PCSK2: variants seen among roughly 807,000 people sequenced by gnomAD.
PCSK2 encodes the protein neuroendocrine convertase 2.
In PCSK2, 14 loss-of-function variants were observed where a neutral mutation model predicts 69.7. The observed-to-expected ratio is 0.20, with a 90% confidence interval of 0.13 to 0.31. The LOEUF (loss-of-function observed/expected upper bound fraction) is 0.31. PCSK2 is among the 10% of genes least tolerant of loss of function. The pLI, the probability that PCSK2 is intolerant of heterozygous loss-of-function variation, is 1.00. For synonymous variants in PCSK2, 307 were observed against 320.7 expected, an observed-to-expected ratio of 0.96 and a Z score of 0.46; for missense variants, 544 against 842.5, an observed-to-expected ratio of 0.65 and a Z score of 4.39.
intron 2 of PCSK2, chr20:17,263,084 C>T (rs975440754): frequency 2.1e-6 from 2 of 959,940 alleles, no homozygotes; most frequent in Non-Finnish European, 2.5e-6. Context: ...ACTGAGGTAG[C>T]TTTTTGACCA....
intron 9 of PCSK2, among the ~76,000 whole-genome samples, chr20:17,454,886 G>A (rs963076659): frequency 5.9e-5 from 9 of 152,158 alleles, no homozygotes; most frequent in East Asian, 1.9e-4. Flanking sequence ...ATGCCCCTGC[G>A]TGAGCGAGGA....
chr20:17,414,037 G>T (rs189296059), intron 6 of PCSK2, among the ~76,000 whole-genome samples: 296 of 152,118 alleles, frequency 1.9e-3, no homozygotes, highest in African/African-American at 6.8e-3. Context: ...AAAGCAATGT[G>T]TAGAGGGAAA....
rs76471667 is a variant in PCSK2, at chr20:17,334,866, G to A, written c.283-23461G>A. ...CTGTCAGTCATGTTGGGTTTCCCCT[G>A]CAATTAACTGGCTCTTTACAAACGC... is the stretch of plus-strand genomic sequence containing the variant. On this transcript the variant is annotated intron_variant, in intron 2 of 11. Coordinates refer to ENST00000262545, the MANE Select transcript of PCSK2 (RefSeq NM_002594.5). 2.1e-3 allele frequency among the ~76,000 whole-genome samples: 318 copies of A among 152,278 alleles called. 2 individuals are homozygous for A. Among genetic ancestry groups the A allele is most frequent in the African/African-American group, 7.1e-3 (293 of 41,548 alleles).
chr20:17,394,970 C>A (rs1338665401), intron 5 of PCSK2, among the ~76,000 whole-genome samples: 1 of 152,118 alleles, frequency 6.6e-6, no homozygotes, highest in Non-Finnish European at 1.5e-5. Flanking sequence ...TCTTTTTTGT[C>A]ACATTTCACA....
intron 8 of PCSK2, among the ~76,000 whole-genome samples, chr20:17,440,560 G>C (rs146796506): frequency 2.0e-5 from 3 of 152,142 alleles, no homozygotes; most frequent in Non-Finnish European, 4.4e-5. Context: ...TTGGTTTCTC[G>C]TAAGAATGCA....
intron 2 of PCSK2, among the ~76,000 whole-genome samples, chr20:17,315,314 A>G (rs1247237582): frequency 3.4e-5 from 5 of 145,692 alleles, no homozygotes; most frequent in Non-Finnish European, 7.4e-5. Flanking sequence ...AAGAGGAGGA[A>G]AAAAAAAAAG....
chr20:17,229,321 C>T (rs772794849), intron 1 of PCSK2, among the ~76,000 whole-genome samples: 3 of 151,588 alleles, frequency 2.0e-5, no homozygotes, highest in Non-Finnish European at 2.9e-5. Context: ...AAGCTAGGTG[C>T]TTTCAGGGGA....
chr20:17,383,415 C>G (rs1452557838), intron 5 of PCSK2, among the ~76,000 whole-genome samples: 1 of 152,158 alleles, frequency 6.6e-6, no homozygotes, highest in African/African-American at 2.4e-5. Flanking sequence ...TTCTTCATAG[C>G]TACAACCAAA....
At chr20:17,388,315 G>A (rs918671285) in intron 5 of PCSK2, among the ~76,000 whole-genome samples, 2 of 152,112 alleles carry the variant, frequency 1.3e-5, no homozygotes, top group African/African-American at 4.8e-5. Flanking sequence ...TCAAAGATTT[G>A]CCTGCTAAAG....
chr20:17,402,660 C>CA (rs35767841), intron 5 of PCSK2, among the ~76,000 whole-genome samples: 78,970 of 112,990 alleles, frequency 0.7, 27,757 homozygotes, highest in South Asian at 0.8. Context: ...GACTCTGTCT[C>CA]AAAAAAAAAA....
At chr20:17,262,029 T>G (rs1396022945) in intron 2 of PCSK2, among the ~76,000 whole-genome samples, 2 of 152,200 alleles carry the variant, frequency 1.3e-5, no homozygotes, top group South Asian at 4.1e-4. Flanking sequence ...AGAGAGACTA[T>G]TTAGCACCAC....
intron 2 of PCSK2, among the ~76,000 whole-genome samples, chr20:17,260,866 T>C (rs1383793870): frequency 2.0e-5 from 3 of 152,168 alleles, no homozygotes; most frequent in East Asian, 1.9e-4. Context: ...CTTTTTATCC[T>C]ATATTTTCTA....
At chr20:17,269,952 A>G (rs1187919508) in intron 2 of PCSK2, among the ~76,000 whole-genome samples, 1 of 152,162 alleles carries the variant, frequency 6.6e-6, no homozygotes, top group Non-Finnish European at 1.5e-5. Context: ...TAGATTTCAG[A>G]AAGATATAGT....
chr20:17,265,539 T>C (rs1373944374), intron 2 of PCSK2, among the ~76,000 whole-genome samples: 2 of 152,230 alleles, frequency 1.3e-5, no homozygotes, highest in African/African-American at 4.8e-5. Flanking sequence ...AGTTTATTAA[T>C]ATTATGAGAA....
intron 2 of PCSK2, among the ~76,000 whole-genome samples, chr20:17,324,335 G>A (rs1479088392): frequency 6.6e-6 from 1 of 152,184 alleles, no homozygotes; most frequent in Non-Finnish European, 1.5e-5. Flanking sequence ...TCTTAAGCAA[G>A]AGGCCACTTT....
rs1230633550 is a variant in PCSK2 at position 17,309,896 on chromosome 20, G to GGAA, written c.283-48418_283-48416dup. Among the ~76,000 whole-genome samples the GGAA allele has an allele frequency of 6.4e-4, 97 of 150,422 alleles. 1 individual carries two copies. In the South Asian group the frequency reaches 7.5e-3, roughly 12 times the overall value. ...AAGGGGAAGAGAAAGAGGAGGAAGAGGAAGAAGAAGAAGAAAGGGAAGGGG... is the reference window on the plus strand; with the variant it reads ...AAGGGGAAGAGAAAGAGGAGGAAGAGGAAGAAGAAGAAGAAGAAAGGGAAGGGG... On this transcript the variant is annotated intron_variant, in intron 2 of 11. Coordinates refer to ENST00000262545, the MANE Select transcript of PCSK2 (RefSeq NM_002594.5).
At chr20:17,376,537 G>GT (rs1455986176) in intron 5 of PCSK2, among the ~76,000 whole-genome samples, 10 of 152,164 alleles carry the variant, frequency 6.6e-5, no homozygotes, top group African/African-American at 2.4e-4. Flanking sequence ...CTCATAGTGT[G>GT]TATTTCTTTT....
At chr20:17,433,846 CT>C (rs1169318422) in intron 7 of PCSK2, among the ~76,000 whole-genome samples, 1 of 101,282 alleles carries the variant, frequency 9.9e-6, no homozygotes. Context: ...TCCTCCCCCC[CT>C]TCCTCCCTCT....
chr20:17,383,648 A>G (rs1253511613), intron 5 of PCSK2, among the ~76,000 whole-genome samples: 1 of 150,080 alleles, frequency 6.7e-6, no homozygotes, highest in Non-Finnish European at 1.5e-5. Flanking sequence ...TTTGAAAAAT[A>G]AAAAAAAGAA....
Sources: allele counts gnomAD v4.1 joint callset (sites outside exome capture counted in the v4.1 genomes callset), GRCh38; gene constraint gnomAD v4.1.1; transcripts MANE v1.5; gene names NCBI Gene and HGNC (gene_info 2026-07-23, HGNC 2026-07-21).